Variants in SULT2A1 observed in about 807,000 individuals in gnomAD.
The protein encoded by SULT2A1 is sulfotransferase 2A1.
In SULT2A1, 43 loss-of-function variants were observed where a neutral mutation model predicts 33.9. The ratio of observed to expected loss-of-function variants is 1.27; its 90% CI spans 1.00 to 1.64. The LOEUF (loss-of-function observed/expected upper bound fraction) is 1.64, where lower values mean the gene tolerates loss of function less well. Ranked by LOEUF, SULT2A1 falls within the 40% of genes most tolerant of loss-of-function variation. The pLI is 0.00. For missense variants in SULT2A1, 300 were observed against 335.1 expected (o/e 0.90, Z 0.82); for synonymous variants, 125 against 113.6 (o/e 1.10, Z -0.64).
At chr19:47,878,727 G>C (rs1003186172) in intron 4 of SULT2A1, among the ~76,000 whole-genome samples, 1 of 150,958 alleles carries the variant, frequency 6.6e-6, no homozygotes, top group Non-Finnish European at 1.5e-5. Context: ...ATCTTGTCCA[G>C]GCTGGCCTTG....
chr19:47,877,920 C>T (rs1968563464), intron 4 of SULT2A1, among the ~76,000 whole-genome samples: 2 of 152,202 alleles, frequency 1.3e-5, no homozygotes, highest in African/African-American at 4.8e-5. Context: ...TCACTATTCA[C>T]TCCAGTACTT....
At position 47,871,145 on chromosome 19, in the gene SULT2A1, C is replaced by T. The variant is rs1341918509; in HGVS notation, c.*310G>A. On this transcript the variant is annotated 3_prime_UTR_variant, in exon 6 of 6. Transcript: ENST00000222002. ...TACAGACATGAGCCAATGCGCCTGG[C>T]TAATTTTTTTTGGTTTTTGTATTTT... 1 of 184,028 alleles carries T rather than the reference C, an allele frequency of 5.4e-6. No homozygotes were observed. The highest frequency in any genetic ancestry group is 2.4e-5 in the African/African-American group (1 of 41,394). 11.4% of individuals were successfully genotyped at this position (184,028 alleles called of 1,614,324 possible). A position where few individuals can be genotyped will look rare whatever the true frequency, so the allele number is the denominator to read the frequency against.
In SULT2A1 at chr19:47,871,542, G is replaced by T; in HGVS notation, c.771C>A (p.His257Gln). The T allele has an allele frequency of 1.2e-6, 2 of 1,613,950 alleles. No individual in the cohort carries two copies. Among genetic ancestry groups the T allele is most frequent in the Non-Finnish European group, 1.7e-6 (2 of 1,179,976 alleles). Residue 257 changes from histidine to glutamine, a missense_variant, in exon 6 of 6, where the codon CAC becomes CAA. His to Gln is a conservative substitution (Grantham distance 24). Transcript: ENST00000222002. ...AGTCTTCAGCTTGGGCCACTGTGAA[G>T]TGATTTTTCCAGTCCCCAGATACAC... is the stretch of plus-strand genomic sequence containing the variant. ...RKGVSGDWKN[H>Q]FTVAQAEDFD...
At chr19:47,878,173 T>C (rs1161101119) in intron 4 of SULT2A1, among the ~76,000 whole-genome samples, 1 of 152,316 alleles carries the variant, frequency 6.6e-6, no homozygotes, top group East Asian at 1.9e-4. Context: ...GCATGGAATA[T>C]GCTCCTTATT....
chr19:47,877,781 A>G (rs1968561388), intron 4 of SULT2A1, among the ~76,000 whole-genome samples: 1 of 151,772 alleles, frequency 6.6e-6, no homozygotes, highest in Non-Finnish European at 1.5e-5. Context: ...GAACTCCTGG[A>G]CTCAAGCCAT....
At chr19:47,884,479 T>TTTTTTCCTGGC (rs1968635596) in intron 1 of SULT2A1, among the ~76,000 whole-genome samples, 1 of 728 alleles carries the variant, frequency 1.4e-3, no homozygotes, top group Non-Finnish European at 0.083. Context: ...CGCCTGGCTT[T>TTTTTTCCTGGC]TTTTTTTTTT....
At chr19:47,874,567 T>G in intron 5 of SULT2A1, 90 bp downstream of exon 5, 1 of 808,796 alleles carries the variant, frequency 1.2e-6, no homozygotes, top group South Asian at 2.0e-5. Flanking sequence ...AAAAGCACTC[T>G]TTCATCTCAA....
chr19:47,872,978 T>C (rs1172599898), intron 5 of SULT2A1, among the ~76,000 whole-genome samples: 3 of 151,606 alleles, frequency 2.0e-5, no homozygotes, highest in Non-Finnish European at 4.4e-5. Context: ...CCCAGGCTGG[T>C]CTCGAACTCC....
At chr19:47,873,475 A>G (rs1968512061) in intron 5 of SULT2A1, among the ~76,000 whole-genome samples, 1 of 151,436 alleles carries the variant, frequency 6.6e-6, no homozygotes, top group African/African-American at 2.4e-5. Context: ...CTGGCCCTGG[A>G]AAAATGGATT....
At chr19:47,879,796 G>A (rs1453331666) in intron 3 of SULT2A1, among the ~76,000 whole-genome samples, 1 of 115,830 alleles carries the variant, frequency 8.6e-6, no homozygotes, top group African/African-American at 3.2e-5. Flanking sequence ...GGGGGAGGGG[G>A]AGGGATAGCA....
intron 4 of SULT2A1, among the ~76,000 whole-genome samples, chr19:47,876,260 C>CTT (rs1968543286): frequency 6.6e-6 from 1 of 152,140 alleles, no homozygotes; most frequent in South Asian, 2.1e-4. Context: ...AGGTGATCTG[C>CTT]CCACCTCAGC....
chr19:47,881,025 T>G (rs1358021684), intron 3 of SULT2A1, among the ~76,000 whole-genome samples: 1 of 151,964 alleles, frequency 6.6e-6, no homozygotes, highest in Non-Finnish European at 1.5e-5. Flanking sequence ...CCCACGCAGT[T>G]AAGAAAGGTG....
chr19:47,874,794 C>T lies in SULT2A1; in HGVS notation c.608G>A (p.Gly203Glu), dbSNP rs770501427. The T allele has an allele frequency of 6.2e-7, 1 of 1,614,060 alleles. No homozygotes were observed. Among genetic ancestry groups the T allele is most frequent in the East Asian group, 2.2e-5 (1 of 44,874 alleles). ...RTIEKICQFL[G>E]KTLEPEELNL... ...CAGTTCTTCGGGTTCTAACGTCTTT[C>T]CCAGGAATTGACAGATCTTCTCTAT... is the stretch of plus-strand genomic sequence containing the variant. Residue 203 changes from glycine to glutamate, a missense_variant, in exon 5 of 6, where the codon GGA (glycine) becomes GAA (glutamate). Gly to Glu is a moderately conservative substitution (Grantham distance 98, BLOSUM62 -2). Coordinates refer to ENST00000222002, the MANE Select transcript of SULT2A1 (RefSeq NM_003167.4).
At chr19:47,871,863 A>C (rs1259918217) in intron 5 of SULT2A1, among the ~76,000 whole-genome samples, 2 of 151,920 alleles carry the variant, frequency 1.3e-5, no homozygotes, top group African/African-American at 4.8e-5. Flanking sequence ...ACTCAAGCCA[A>C]CATCATTTTT....
intron 1 of SULT2A1, 77 bp from the exon 2 acceptor site, chr19:47,883,862 A>ACC: frequency 7.2e-7 from 1 of 1,383,016 alleles, no homozygotes; most frequent in South Asian, 1.3e-5. Flanking sequence ...TAATCCCAGC[A>ACC]CTTTGGGAGG....
intron 2 of SULT2A1, among the ~76,000 whole-genome samples, chr19:47,883,224 A>C (rs1443620935): frequency 6.6e-6 from 1 of 151,948 alleles, no homozygotes; most frequent in East Asian, 1.9e-4. Context: ...CATTTGTTGA[A>C]TTCAGATTGG....
intron 3 of SULT2A1, among the ~76,000 whole-genome samples, chr19:47,881,649 C>T (rs546548943): frequency 1.1e-4 from 17 of 151,916 alleles, no homozygotes; most frequent in Non-Finnish European, 2.2e-4. Flanking sequence ...TTCTGCATAA[C>T]TAAATATATA....
chr19:47,881,434 A>G (rs548700309), intron 3 of SULT2A1, among the ~76,000 whole-genome samples: 2 of 152,166 alleles, frequency 1.3e-5, no homozygotes, highest in South Asian at 4.2e-4. Context: ...GGCCTCCCAT[A>G]GTGTTGGGAT....
intron 1 of SULT2A1, among the ~76,000 whole-genome samples, chr19:47,885,740 T>C (rs1443047755): frequency 6.6e-6 from 1 of 152,214 alleles, no homozygotes; most frequent in African/African-American, 2.4e-5. Flanking sequence ...CTGATGATTC[T>C]CCTATCTGAA....
Sources: gnomAD v4.1 joint callset for allele counts (sites outside exome capture counted in the v4.1 genomes callset) on GRCh38, gnomAD v4.1.1 for gene constraint, MANE v1.5 for transcripts, NCBI Gene and HGNC (gene_info 2026-07-23, HGNC 2026-07-21) for gene names.